The following XKR9 variants were observed in gnomAD, a reference collection of about 807,000 sequenced individuals.
The protein encoded by XKR9 is XK related 9, also known as XK-related protein 9.
In XKR9, 32 loss-of-function variants were observed where a neutral mutation model predicts 32.0. That is an observed-to-expected ratio of 1.00 (90% CI 0.76 to 1.34). The LOEUF is 1.34. XKR9 is among the 40% of genes most tolerant of loss of function. The pLI is 0.00. For synonymous variants in XKR9, 168 were observed against 143.4 expected, an observed-to-expected ratio of 1.17 and a Z score of -1.22; for missense variants, 546 against 429.7, an observed-to-expected ratio of 1.27 and a Z score of -2.39.
the XKR9 span, among the ~76,000 whole-genome samples, chr8:70,892,161 G>A: frequency 9.7e-3 from 1,475 of 152,120 alleles, 23 homozygotes; most frequent in African/African-American, 0.034. Context: ...GGTGACATGA[G>A]TTTCTTGTAG....
chr8:70,903,756 G>C, the XKR9 span, among the ~76,000 whole-genome samples: 1 of 151,904 alleles, frequency 6.6e-6, no homozygotes, highest in Non-Finnish European at 1.5e-5. Context: ...GATCTTTCCT[G>C]CTTTATCTTG....
At chr8:70,943,938 G>A in the XKR9 span, among the ~76,000 whole-genome samples, 1 of 152,038 alleles carries the variant, frequency 6.6e-6, no homozygotes, top group South Asian at 2.1e-4. Flanking sequence ...TTATTAAGTA[G>A]CACATGTGAA....
intron 2 of XKR9, among the ~76,000 whole-genome samples, chr8:70,753,458 AC>A (rs1807171788): frequency 6.6e-6 from 1 of 152,148 alleles, no homozygotes; most frequent in African/African-American, 2.4e-5. Flanking sequence ...CAGAGACACA[AC>A]CAAAAAAGAG....
At chr8:70,886,856 T>A in the XKR9 span, among the ~76,000 whole-genome samples, 48,243 of 151,950 alleles carry the variant, frequency 0.32, 8,978 homozygotes, top group Non-Finnish European at 0.43. Flanking sequence ...TCTGATGATA[T>A]TTTCTTTTGC....
the XKR9 span, among the ~76,000 whole-genome samples, chr8:70,839,377 T>G: frequency 6.6e-6 from 1 of 152,172 alleles, no homozygotes; most frequent in African/African-American, 2.4e-5. Flanking sequence ...ATATACCATG[T>G]GAAAAATACA....
chr8:70,776,154 T>G (rs1807517470), intron 2 of XKR9, among the ~76,000 whole-genome samples: 1 of 152,050 alleles, frequency 6.6e-6, no homozygotes, highest in South Asian at 2.1e-4. Flanking sequence ...TCTAAAAGAG[T>G]TCTTTTTAAA....
chr8:70,821,119 G>A, the XKR9 span, among the ~76,000 whole-genome samples: 3 of 152,194 alleles, frequency 2.0e-5, no homozygotes, highest in African/African-American at 7.2e-5. Context: ...GAGGATACAG[G>A]CATTGGGTAA....
At chr8:70,805,036 A>G in the XKR9 span, among the ~76,000 whole-genome samples, 1 of 152,200 alleles carries the variant, frequency 6.6e-6, no homozygotes. Flanking sequence ...TTCCATCAAA[A>G]AGAACCATAA....
downstream of XKR9, among the ~76,000 whole-genome samples, chr8:70,736,705 C>A (rs1162556647): frequency 1.3e-5 from 2 of 151,964 alleles, no homozygotes; most frequent in African/African-American, 4.8e-5. Flanking sequence ...GTTTTCCCAG[C>A]ACCATTTATT....
chr8:70,970,318 G>T, the XKR9 span, among the ~76,000 whole-genome samples: 3 of 151,958 alleles, frequency 2.0e-5, no homozygotes, highest in South Asian at 4.2e-4. Context: ...TTTATTGTAG[G>T]ATTTTTTATT....
the XKR9 span, among the ~76,000 whole-genome samples, chr8:71,006,852 A>G: frequency 6.6e-6 from 1 of 152,166 alleles, no homozygotes; most frequent in Non-Finnish European, 1.5e-5. Flanking sequence ...AGAGTTGAGG[A>G]GTTTTAGACA....
At chr8:70,956,859 G>A in the XKR9 span, among the ~76,000 whole-genome samples, 1 of 152,196 alleles carries the variant, frequency 6.6e-6, no homozygotes, top group Non-Finnish European at 1.5e-5. Context: ...CAGGGTCAGG[G>A]GGCTTCTAGG....
At chr8:70,993,133 G>A in the XKR9 span, among the ~76,000 whole-genome samples, 1 of 152,052 alleles carries the variant, frequency 6.6e-6, no homozygotes, top group Non-Finnish European at 1.5e-5. Flanking sequence ...GAACTCAAAG[G>A]CTGAGAGTAA....
At chr8:70,705,494 A>G (rs935319750) in intron 3 of XKR9, among the ~76,000 whole-genome samples, 4 of 152,140 alleles carry the variant, frequency 2.6e-5, no homozygotes, top group Non-Finnish European at 5.9e-5. Context: ...TTAAGGAGCA[A>G]ACTGAAAATA....
chr8:70,772,691 T>A (rs1038194279), intron 2 of XKR9, among the ~76,000 whole-genome samples: 1 of 152,188 alleles, frequency 6.6e-6, no homozygotes, highest in African/African-American at 2.4e-5. Context: ...TGGCAACTTT[T>A]AAAAATTATT....
At chr8:70,750,506 T>G (rs1348535) in intron 2 of XKR9, among the ~76,000 whole-genome samples, 61,296 of 151,976 alleles carry the variant, frequency 0.4, 13,890 homozygotes, top group Non-Finnish European at 0.52. Context: ...AGTGATTTAG[T>G]TTTTCTTGGT....
the XKR9 span, among the ~76,000 whole-genome samples, chr8:71,060,720 A>G: frequency 6.6e-6 from 1 of 152,216 alleles, no homozygotes; most frequent in African/African-American, 2.4e-5. Flanking sequence ...ACAATATCTG[A>G]GAGCCAATTG....
chr8:70,777,087 C>A (rs1400388385), intron 2 of XKR9, among the ~76,000 whole-genome samples: 2 of 151,472 alleles, frequency 1.3e-5, no homozygotes, highest in Non-Finnish European at 2.9e-5. Context: ...AGGTGTTTCT[C>A]CTAATGCTAT....
the XKR9 span, among the ~76,000 whole-genome samples, chr8:71,032,065 G>A: frequency 6.6e-6 from 1 of 152,114 alleles, no homozygotes; most frequent in Non-Finnish European, 1.5e-5. Flanking sequence ...AGGCTGAGGT[G>A]GGTGGATCAC....
Sources: allele counts gnomAD v4.1 joint callset (sites outside exome capture counted in the v4.1 genomes callset), GRCh38; gene constraint gnomAD v4.1.1; transcripts MANE v1.5; gene names NCBI Gene and HGNC (gene_info 2026-07-23, HGNC 2026-07-21).